BDH2: variants seen among roughly 807,000 people sequenced by gnomAD.
The protein encoded by BDH2 is 3-hydroxybutyrate dehydrogenase 2, also known as dehydrogenase/reductase SDR family member 6.
Under a neutral mutation model 33.2 loss-of-function variants are expected in BDH2, and 24 were observed. That is an observed-to-expected ratio of 0.72 (90% CI 0.52 to 1.02). BDH2 has a LOEUF of 1.02. Ranked by LOEUF, BDH2 falls within the 50% of genes least tolerant of loss-of-function variation. The pLI, the probability that BDH2 is intolerant of heterozygous loss-of-function variation, is 0.00. For synonymous variants in BDH2, 81 were observed against 101.6 expected, an observed-to-expected ratio of 0.80 and a Z score of 1.22; for missense variants, 249 against 301.6, an observed-to-expected ratio of 0.83 and a Z score of 1.29.
rs560620303 is a variant in BDH2, at chr4:103,099,593, T to C, written c.-21+190A>G. ...ACTTAGGATACCGTAAGAATCCTTT[T>C]TTCTTGGGCTACTTTATAAAACATA... On this transcript the variant is annotated intron_variant, in intron 1 of 9. Coordinates refer to ENST00000296424, the MANE Select transcript of BDH2 (RefSeq NM_020139.4). Among the ~76,000 whole-genome samples, 21 of 152,292 alleles carry C rather than the reference T, an allele frequency of 1.4e-4. No homozygotes were observed. In the South Asian group the frequency reaches 1.5e-3, roughly 11 times the overall value.
rs1392532687 is a variant in BDH2, at chr4:103,079,081, C to T, written c.*621G>A. Among the ~76,000 whole-genome samples, 1 of 152,150 alleles carries T rather than the reference C, an allele frequency of 6.6e-6. No homozygotes were observed. Among genetic ancestry groups the T allele is most frequent in the East Asian group, 1.9e-4 (1 of 5,204 alleles). On this transcript the variant is annotated 3_prime_UTR_variant, in exon 10 of 10. Transcript: ENST00000296424. The stretch of plus-strand genomic sequence containing the variant: ...TTTTAATTGTATATGCTGCAATGGC[C>T]TATTTGTATCACCCCAGAGTCATGT...
chr4:103,096,961 A>C (rs1052172793), intron 1 of BDH2, among the ~76,000 whole-genome samples: 12 of 152,192 alleles, frequency 7.9e-5, no homozygotes, highest in Non-Finnish European at 2.9e-5. Context: ...CATTGCTATG[A>C]CATTATTTGT....
At chr4:103,082,406 T>G (rs1747568006) in intron 8 of BDH2, among the ~76,000 whole-genome samples, 1 of 152,208 alleles carries the variant, frequency 6.6e-6, no homozygotes, top group South Asian at 2.1e-4. Context: ...GAGGGCATTA[T>G]TTTTTCATCT....
At position 103,085,367 on chromosome 4, in the gene BDH2, A is replaced by ACCTGATGC; in HGVS notation, c.506_513dup (p.Cys172AlafsTer35). ...TACTCACCTGGGCACACACAGTTGC[A>ACCTGATGC]CCTGATGCCCTGCTGGATGAAATCT... On this transcript the variant is annotated frameshift_variant, in exon 7 of 10. Coordinates refer to ENST00000296424, the MANE Select transcript of BDH2 (RefSeq NM_020139.4). 1 of 1,610,892 alleles carries ACCTGATGC rather than the reference A, an allele frequency of 6.2e-7. No individual in the cohort carries two copies. Among genetic ancestry groups the ACCTGATGC allele is most frequent in the Admixed American group, 1.7e-5 (1 of 59,838 alleles).
intron 1 of BDH2, chr4:103,097,696 T>C (rs1293285701): frequency 6.6e-6 from 1 of 152,240 alleles, no homozygotes; most frequent in East Asian, 1.9e-4. Flanking sequence ...TCACCAGATC[T>C]ATGCTACTTG....
intron 5 of BDH2, among the ~76,000 whole-genome samples, chr4:103,088,473 C>G (rs562968872): frequency 2.6e-5 from 4 of 152,286 alleles, no homozygotes; most frequent in African/African-American, 9.6e-5. Flanking sequence ...CAACCGAGGT[C>G]CCTCTGCTGC....
chr4:103,091,145 G>T, intron 5 of BDH2, 32 bp downstream of exon 5: 1 of 1,410,132 alleles, frequency 7.1e-7, no homozygotes, highest in Non-Finnish European at 1.0e-6. Context: ...CTAATGTGGT[G>T]CTTATCCTGG....
chr4:103,098,522 C>T (rs1408976635), intron 1 of BDH2: 2 of 152,228 alleles, frequency 1.3e-5, no homozygotes, highest in African/African-American at 4.8e-5. Flanking sequence ...TGTGCTGAGG[C>T]CACCTTCTCG....
At position 103,095,290 on chromosome 4, in the gene BDH2, C is replaced by A; in HGVS notation, c.73-9G>T. The A allele has an allele frequency of 6.2e-7, 1 of 1,606,894 alleles. No individual in the cohort carries two copies. The highest frequency in any genetic ancestry group is 8.5e-7 in the Non-Finnish European group (1 of 1,173,768). The stretch of plus-strand genomic sequence containing the variant: ...CCTTCTCTTGCAAAAGCCTAGTAGA[C>A]ACAAAGTACAAATAAATCCTTTGTT... On this transcript the variant is annotated splice_polypyrimidine_tract_variant and intron_variant, in intron 2 of 9. Coordinates refer to ENST00000296424, the MANE Select transcript of BDH2 (RefSeq NM_020139.4).
chr4:103,098,396 A>G (rs1483374913), intron 1 of BDH2, among the ~76,000 whole-genome samples: 1 of 152,200 alleles, frequency 6.6e-6, no homozygotes, highest in Non-Finnish European at 1.5e-5. Context: ...ATGGTACTCA[A>G]AGCCCTGCGG....
At chr4:103,087,572 AT>A (rs1480684546) in intron 5 of BDH2, among the ~76,000 whole-genome samples, 1 of 152,156 alleles carries the variant, frequency 6.6e-6, no homozygotes, top group African/African-American at 2.4e-5. Context: ...CTTCTTCAGA[AT>A]TCCCCCACTA....
In BDH2 at chr4:103,085,820, C is replaced by T; in HGVS notation, c.419-358G>A. 5.4e-6 allele frequency: 7 copies of T among 1,290,340 alleles called. No individual in the cohort carries two copies. The South Asian group carries it at 8.9e-5, about 16-fold the overall frequency. The allele number at this position is 1,290,340 out of a possible 1,614,324, so 79.9% of individuals were successfully genotyped here. On this transcript the variant is annotated intron_variant, in intron 6 of 9. Coordinates refer to ENST00000296424, the MANE Select transcript of BDH2 (RefSeq NM_020139.4). The stretch of plus-strand genomic sequence containing the variant: ...AACAGGAGGCCTAGGCACTTCTTTA[C>T]ATTCCTCTCTTGTGTATGTTGAATA...
At position 103,082,068 on chromosome 4, in the gene BDH2, G is replaced by T; in HGVS notation, c.684+13C>A. On this transcript the variant is annotated intron_variant, in intron 9 of 9. Transcript: ENST00000296424. ...TTGAGGGTAATGAACTCCTTGGGAA[G>T]AATAGTGCTTACTTCATCAGAAGCC... The T allele has an allele frequency of 6.2e-7, 1 of 1,609,322 alleles. No homozygotes were observed. The highest frequency in any genetic ancestry group is 8.5e-7 in the Non-Finnish European group (1 of 1,175,666).
rs1246110329 is a variant in BDH2 at position 103,077,897 on chromosome 4, A to G, written c.*1805T>C. On this transcript the variant is annotated 3_prime_UTR_variant, in exon 10 of 10. Transcript: ENST00000296424. ...AAAGTTAGCCATAATTCGGTAGTGT[A>G]GTGCCCGGTCCAAAACCTCATAGAT... Among the ~76,000 whole-genome samples, 5 of 152,218 alleles carry G rather than the reference A, an allele frequency of 3.3e-5. No individual in the cohort carries two copies. The highest frequency in any genetic ancestry group is 7.3e-5 in the Non-Finnish European group (5 of 68,040).
intron 4 of BDH2, among the ~76,000 whole-genome samples, chr4:103,092,100 G>T (rs1016390993): frequency 1.3e-5 from 2 of 152,128 alleles, no homozygotes; most frequent in African/African-American, 4.8e-5. Flanking sequence ...ATAAAATATT[G>T]TTGGCTGTGA....
At position 103,078,382 on chromosome 4, in the gene BDH2, T is replaced by G. The variant is rs1747340620; in HGVS notation, c.*1320A>C. ...TCCTCTTTTCTGTTATCCTGGAGTTTGGTGAAGAAATCTGTACTTAATTTA... is the reference window on the plus strand; with the variant it reads ...TCCTCTTTTCTGTTATCCTGGAGTTGGGTGAAGAAATCTGTACTTAATTTA... On this transcript the variant is annotated 3_prime_UTR_variant, in exon 10 of 10. Coordinates refer to ENST00000296424, the MANE Select transcript of BDH2 (RefSeq NM_020139.4). Among the ~76,000 whole-genome samples the G allele has an allele frequency of 6.6e-6, 1 of 152,240 alleles. No individual in the cohort carries two copies. Among genetic ancestry groups the G allele is most frequent in the African/African-American group, 2.4e-5 (1 of 41,458 alleles).
chr4:103,096,512 C>G (rs1297085746), intron 1 of BDH2, among the ~76,000 whole-genome samples: 1 of 149,952 alleles, frequency 6.7e-6, no homozygotes. Context: ...GAAGTAATGA[C>G]TGGTGACAGA....
chr4:103,091,905 G>A (rs1200425523), intron 4 of BDH2, among the ~76,000 whole-genome samples: 2 of 152,198 alleles, frequency 1.3e-5, no homozygotes, highest in African/African-American at 4.8e-5. Flanking sequence ...GCAGCAAAGT[G>A]ATACTGCTAG....
chr4:103,083,048 A>G (rs1445080413), intron 7 of BDH2, 119 bp from the exon 8 acceptor site: 18 of 864,358 alleles, frequency 2.1e-5, no homozygotes, highest in Non-Finnish European at 3.3e-5. Context: ...TAAAATGACA[A>G]CTTTACAGCT....
Sources: allele counts gnomAD v4.1 joint callset (sites outside exome capture counted in the v4.1 genomes callset), GRCh38; gene constraint gnomAD v4.1.1; transcripts MANE v1.5; gene names NCBI Gene and HGNC (gene_info 2026-07-23, HGNC 2026-07-21).